DNAH5: variants seen among roughly 807,000 people sequenced by gnomAD.
DNAH5 encodes dynein axonemal heavy chain 5.
A neutral mutation model predicts 518.2 loss-of-function variants in DNAH5; 372 were observed. That is an observed-to-expected ratio of 0.72 (90% CI 0.66 to 0.78). DNAH5 has a LOEUF of 0.78. DNAH5 is among the 30% of genes least tolerant of loss of function. The pLI is 0.00. For synonymous variants in DNAH5, 2,039 were observed against 2,025.9 expected (o/e 1.01, Z -0.17); for missense variants, 5,523 against 5,687.0 (o/e 0.97, Z 0.93).
At chr5:13,898,375 C>A (rs1774170516) in intron 15 of DNAH5, 1 of 393,854 alleles carries the variant, frequency 2.5e-6, no homozygotes, top group South Asian at 1.4e-4. Flanking sequence ...ATATTATTTT[C>A]TTTATGAATA....
intron 24 of DNAH5, among the ~76,000 whole-genome samples, chr5:13,870,353 C>G (rs1257132203): frequency 6.6e-6 from 1 of 152,096 alleles, no homozygotes; most frequent in Non-Finnish European, 1.5e-5. Flanking sequence ...GAGGTTATAG[C>G]CCATTTCCTA....
intron 1 of DNAH5, among the ~76,000 whole-genome samples, chr5:14,006,187 T>C (rs930835354): frequency 2.0e-5 from 3 of 152,222 alleles, no homozygotes; most frequent in Admixed American, 6.5e-5. Flanking sequence ...CCCTGACATA[T>C]ACTTGCTGCG....
chr5:13,917,166 CACA>C lies in DNAH5; in HGVS notation c.1063_1065del (p.Cys355del). 2 of 1,613,744 alleles carry C rather than the reference CACA, an allele frequency of 1.2e-6. No individual in the cohort carries two copies. The highest frequency in any genetic ancestry group is 1.7e-6 in the Non-Finnish European group (2 of 1,179,772). On this transcript the variant is annotated inframe_deletion, in exon 8 of 79. Coordinates refer to ENST00000265104, the MANE Select transcript of DNAH5 (RefSeq NM_001369.3). ...ACGGGATCACTGCTGTACAAAGGGT[CACA>C]ACATTTTTCAAGTGTATACAAGTAT... is the stretch of plus-strand genomic sequence containing the variant.
chr5:13,996,747 G>C (rs993340336), intron 1 of DNAH5, among the ~76,000 whole-genome samples: 1 of 152,268 alleles, frequency 6.6e-6, no homozygotes. Context: ...CAGCCCACGG[G>C]GCAGCTCTCA....
chr5:13,823,371 C>G lies in DNAH5; in HGVS notation c.6580-1G>C. On this transcript the variant is annotated splice_acceptor_variant, in intron 39 of 78. Coordinates refer to ENST00000265104, the MANE Select transcript of DNAH5 (RefSeq NM_001369.3). LOFTEE classifies it high-confidence loss of function. ...AAAACAAGGGTTCATCCTCATCAATCTAAAAAAAGAAAATGGGAAATCAGA... is the reference window on the plus strand; with the variant it reads ...AAAACAAGGGTTCATCCTCATCAATGTAAAAAAAGAAAATGGGAAATCAGA... 2 of 1,601,082 alleles carry G rather than the reference C, an allele frequency of 1.2e-6. No homozygotes were observed. The highest frequency in any genetic ancestry group is 1.7e-6 in the Non-Finnish European group (2 of 1,168,458).
chr5:13,978,499 T>C (rs975568260), intron 1 of DNAH5, among the ~76,000 whole-genome samples: 1 of 152,222 alleles, frequency 6.6e-6, no homozygotes. Context: ...TGTGTCTATG[T>C]GTATATATGT....
At position 14,002,997 on chromosome 5, in the gene DNAH5, T is replaced by C. The variant is rs531189872; in HGVS notation, c.12+8651A>G. Reference sequence around the variant, plus strand: ...ATGTCTTTTTTGATAAACAAAAGAATGTACAACTTAAAGTTCCAGTTGATA... The same window carrying C: ...ATGTCTTTTTTGATAAACAAAAGAACGTACAACTTAAAGTTCCAGTTGATA... On this transcript the variant is annotated intron_variant, in intron 1 of 78. Transcript: ENST00000681290. Among the ~76,000 whole-genome samples the C allele has an allele frequency of 2.6e-3, 395 of 152,310 alleles. 1 individual carries two copies. Among genetic ancestry groups the C allele is most frequent in the Non-Finnish European group, 4.2e-3 (289 of 68,020 alleles).
At chr5:13,991,091 C>T (rs893496497) in intron 1 of DNAH5, among the ~76,000 whole-genome samples, 2 of 152,134 alleles carry the variant, frequency 1.3e-5, no homozygotes, top group African/African-American at 4.8e-5. Flanking sequence ...CAAGTCTTGA[C>T]TTTGTCTCTC....
chr5:13,950,060 G>C (rs540360919), intron 1 of DNAH5, among the ~76,000 whole-genome samples: 5 of 152,174 alleles, frequency 3.3e-5, no homozygotes, highest in Non-Finnish European at 7.3e-5. Flanking sequence ...CATGCTGAAA[G>C]TAACTGCAAT....
rs768598914 is a variant in DNAH5 at position 13,830,556 on chromosome 5, T to C, written c.6061+41A>G. 3 of 1,606,110 alleles carry C rather than the reference T, an allele frequency of 1.9e-6. No homozygotes were observed. The Admixed American group carries it at 5.0e-5, about 27-fold the overall frequency. On this transcript the variant is annotated intron_variant, in intron 36 of 78. Coordinates refer to ENST00000265104, the MANE Select transcript of DNAH5 (RefSeq NM_001369.3). The stretch of plus-strand genomic sequence containing the variant: ...CAAATTTTAGCAAAATATTCCACCT[T>C]GGCTGCAATTTCTCACCAGATTAAA...
intron 53 of DNAH5, among the ~76,000 whole-genome samples, chr5:13,778,598 G>GAAAGAAAGAAAGAA (rs70964506): frequency 0.014 from 1,901 of 139,594 alleles, 47 homozygotes; most frequent in East Asian, 0.042. Flanking sequence ...AAGAAAGAAA[G>GAAAGAAAGAAAGAA]AGAGAGAGAA....
intron 12 of DNAH5, among the ~76,000 whole-genome samples, chr5:13,904,427 AT>A (rs1429247452): frequency 3.4e-5 from 5 of 148,420 alleles, no homozygotes; most frequent in Non-Finnish European, 5.9e-5. Flanking sequence ...AGATATATGG[AT>A]TTTATATATA....
chr5:13,790,432 C>A (rs1756782611), intron 50 of DNAH5, among the ~76,000 whole-genome samples: 1 of 152,158 alleles, frequency 6.6e-6, no homozygotes, highest in African/African-American at 2.4e-5. Context: ...TTATCCTTAG[C>A]AAACTAATGC....
Position 13,707,015 on chromosome 5 carries a change from A to G in DNAH5, c.13338+1108T>C, listed in dbSNP as rs1293382978. Reference sequence around the variant, plus strand: ...GCATTTTCCAAGACCACTCTGGCCCACCATGCCCCGCATCCTGTGCCCATA... The same window carrying G: ...GCATTTTCCAAGACCACTCTGGCCCGCCATGCCCCGCATCCTGTGCCCATA... On this transcript the variant is annotated intron_variant, in intron 76 of 78. Coordinates refer to ENST00000265104, the MANE Select transcript of DNAH5 (RefSeq NM_001369.3). This position sits in a 1 kb window ranked among gnomAD's most constrained non-coding sequence, Gnocchi z 4.0. Among the ~76,000 whole-genome samples the G allele has an allele frequency of 3.3e-5, 5 of 152,072 alleles. No homozygotes were observed. Among genetic ancestry groups the G allele is most frequent in the Non-Finnish European group, 7.4e-5 (5 of 68,010 alleles).
intron 1 of DNAH5, among the ~76,000 whole-genome samples, chr5:13,958,871 A>G (rs1472079395): frequency 6.6e-6 from 1 of 152,242 alleles, no homozygotes; most frequent in Non-Finnish European, 1.5e-5. Context: ...AATGCATTTT[A>G]AAGAGAAGTC....
chr5:13,700,341 C>T (rs1431523780), intron 78 of DNAH5, among the ~76,000 whole-genome samples: 41 of 152,210 alleles, frequency 2.7e-4, no homozygotes, highest in Admixed American at 2.7e-3. Flanking sequence ...TTTCCCATGC[C>T]TATTAATTAT....
At chr5:13,839,798 T>C (rs1443484585) in intron 34 of DNAH5, among the ~76,000 whole-genome samples, 1 of 152,228 alleles carries the variant, frequency 6.6e-6, no homozygotes, top group Non-Finnish European at 1.5e-5. Flanking sequence ...AATAATAAGA[T>C]ATTAATTTCT....
At chr5:13,754,482 T>C in intron 61 of DNAH5, 144 bp from the exon 62 acceptor site, 3 of 940,450 alleles carry the variant, frequency 3.2e-6, no homozygotes, top group Non-Finnish European at 5.1e-6. Context: ...AGATTCTATT[T>C]CCATGTGTCT....
At chr5:13,980,763 G>A (rs185693901) in intron 1 of DNAH5, among the ~76,000 whole-genome samples, 1 of 152,148 alleles carries the variant, frequency 6.6e-6, no homozygotes. Flanking sequence ...TGTTTTTCCT[G>A]CTAGCCCCCA....
Sources: allele counts gnomAD v4.1 joint callset (sites outside exome capture counted in the v4.1 genomes callset), GRCh38; gene constraint gnomAD v4.1.1; non-coding constraint Gnocchi (gnomAD v3.1); transcripts MANE v1.5; gene names NCBI Gene and HGNC (gene_info 2026-07-23, HGNC 2026-07-21).